Variants in POLH observed in about 807,000 individuals in gnomAD.
The protein encoded by POLH is DNA polymerase eta, also known as DNA polymerase eta transcript.
Under a neutral mutation model 73.6 loss-of-function variants are expected in POLH, and 53 were observed. The ratio of observed to expected loss-of-function variants is 0.72; its 90% CI spans 0.58 to 0.91. The LOEUF is 0.91. POLH is among the 40% of genes least tolerant of loss of function. The pLI, the probability that POLH is intolerant of heterozygous loss-of-function variation, is 0.00. For missense variants in POLH, 768 were observed against 865.4 expected (o/e 0.89, Z 1.41); for synonymous variants, 292 against 308.5 (o/e 0.95, Z 0.56).
chr6:43,593,162 C>T (rs1466312248), intron 4 of POLH, among the ~76,000 whole-genome samples: 1 of 152,166 alleles, frequency 6.6e-6, no homozygotes, highest in Non-Finnish European at 1.5e-5. Flanking sequence ...CTGTGTCTGG[C>T]TTTATCTTAT....
Position 43,604,629 on chromosome 6 carries a change from C to T in POLH, c.899C>T (p.Ala300Val), listed in dbSNP as rs866549004. ...FGEKNGSWLY[A>V]MCRGIEHDPV... ...GGTCTTATTAGGTCTTGGCTATATGCCATGTGCCGAGGGATTGAACATGAT... is the reference window on the plus strand; with the variant it reads ...GGTCTTATTAGGTCTTGGCTATATGTCATGTGCCGAGGGATTGAACATGAT... Residue 300 changes from alanine (A) to valine (V), a missense_variant, in exon 8 of 11, where the codon GCC becomes GTC. Ala to Val is a moderately conservative substitution (Grantham distance 64, BLOSUM62 0). Coordinates refer to ENST00000372236, the MANE Select transcript of POLH (RefSeq NM_006502.3). 9 of 1,613,880 alleles carry T rather than the reference C, an allele frequency of 5.6e-6. No homozygotes were observed. Among genetic ancestry groups the T allele is most frequent in the Non-Finnish European group, 7.6e-6 (9 of 1,179,884 alleles).
At position 43,616,276 on chromosome 6, in the gene POLH, T is replaced by C. The variant is rs1290389463; in HGVS notation, c.*1719T>C. Among the ~76,000 whole-genome samples the C allele has an allele frequency of 3.6e-5, 5 of 138,628 alleles. No homozygotes were observed. The highest frequency in any genetic ancestry group is 5.5e-5 in the African/African-American group (2 of 36,674). 90.9% of individuals were successfully genotyped at this position (138,628 alleles called of 152,430 possible). ...GCCTGGGTGACAGAGCGAGACTCCG[T>C]CTCAAAAAAAAAAAAAAAAGAAAAA... is the stretch of plus-strand genomic sequence containing the variant. On this transcript the variant is annotated 3_prime_UTR_variant, in exon 11 of 11. Transcript: ENST00000372236.
rs1320722457 is a variant in POLH, at chr6:43,618,890, C to CA, written c.*4336dup. On this transcript the variant is annotated 3_prime_UTR_variant, in exon 11 of 11. Coordinates refer to ENST00000372236, the MANE Select transcript of POLH (RefSeq NM_006502.3). Reference sequence around the variant, plus strand: ...AAGTGATCCACCCGCCCTGGCCTCCCAAAGTGCTGGGATTACAGGCCTGAG... The same window carrying CA: ...AAGTGATCCACCCGCCCTGGCCTCCCAAAAGTGCTGGGATTACAGGCCTGAG... Among the ~76,000 whole-genome samples the CA allele has an allele frequency of 6.6e-6, 1 of 151,632 alleles. No homozygotes were observed. The highest frequency in any genetic ancestry group is 1.5e-5 in the Non-Finnish European group (1 of 67,974).
At chr6:43,601,170 A>G in intron 6 of POLH, 79 bp downstream of exon 6, 1 of 1,012,366 alleles carries the variant, frequency 9.9e-7, no homozygotes, top group East Asian at 2.4e-5. Flanking sequence ...TTGTGTTACT[A>G]ATTAAGGACT....
In POLH at chr6:43,611,814, C is replaced by T. The variant is rs948328480; in HGVS notation, c.1244+1091C>T. 4.0e-5 allele frequency among the ~76,000 whole-genome samples: 6 copies of T among 151,896 alleles called. No individual in the cohort carries two copies. The East Asian group carries it at 5.8e-4, about 15-fold the overall frequency. ...CTCACGGCTGTAATCCCAGCACTTT[C>T]GGAGGCCGAGGCAGGCAGATCACCT... is the stretch of plus-strand genomic sequence containing the variant. On this transcript the variant is annotated intron_variant, in intron 10 of 10. Transcript: ENST00000372236.
At chr6:43,584,393 T>C (rs1764590628) in intron 3 of POLH, among the ~76,000 whole-genome samples, 1 of 152,164 alleles carries the variant, frequency 6.6e-6, no homozygotes, top group Non-Finnish European at 1.5e-5. Flanking sequence ...GACTGAAGAT[T>C]AAGTTTTCCA....
rs1429008962 is a variant in POLH at position 43,614,416 on chromosome 6, C to G, written c.2001C>G (p.His667Gln). 1 of 1,614,078 alleles carries G rather than the reference C, an allele frequency of 6.2e-7. No homozygotes were observed. The highest frequency in any genetic ancestry group is 2.2e-5 in the East Asian group (1 of 44,900). Reference protein sequence around the residue: ...LELQKSFLQPHSSNPQVVSAV... With the variant: ...LELQKSFLQPQSSNPQVVSAV... ...TGCAGAAATCCTTTTTGCAGCCCCA[C>G]TCTTCAAACCCCCAGGTTGTTTCTG... is the stretch of plus-strand genomic sequence containing the variant. Residue 667 changes from histidine (H) to glutamine (Q), a missense_variant, in exon 11 of 11, where the codon CAC (histidine) becomes CAG (glutamine). Physicochemically the swap from His to Gln is conservative, Grantham distance 24. Coordinates refer to ENST00000372236, the MANE Select transcript of POLH (RefSeq NM_006502.3).
Position 43,614,354 on chromosome 6 carries a change from A to T in POLH, c.1939A>T (p.Met647Leu), listed in dbSNP as rs6941583. 0.049 allele frequency: 79,101 copies of T among 1,612,354 alleles called. 5,137 individuals are homozygous for T. The highest frequency in any genetic ancestry group is 0.32 in the African/African-American group (23,639 of 74,906). Residue 647 changes from methionine (M) to leucine (L), a missense_variant, in exon 11 of 11, where the codon ATG becomes TTG. Coordinates refer to ENST00000372236, the MANE Select transcript of POLH (RefSeq NM_006502.3). Reference protein sequence around the residue: ...KCGSLVPVWDMPEHMDYHFAL... With the variant: ...KCGSLVPVWDLPEHMDYHFAL... ...TGGCTCCCTGGTACCGGTATGGGAT[A>T]TGCCAGAACACATGGACTATCATTT...
In POLH at chr6:43,597,872, G is replaced by A. The variant is rs534738892; in HGVS notation, c.660+7G>A. On this transcript the variant is annotated splice_region_variant and intron_variant, in intron 5 of 10. Transcript: ENST00000372236. Reference sequence around the variant, plus strand: ...TGGAATTTCACACAATAAGGTGAAGGCTAATAGTAGATTTCAAAGAGAAAC... The same window carrying A: ...TGGAATTTCACACAATAAGGTGAAGACTAATAGTAGATTTCAAAGAGAAAC... 7 of 1,599,596 alleles carry A rather than the reference G, an allele frequency of 4.4e-6. 1 individual carries two copies. In the Admixed American group the frequency reaches 1.0e-4, roughly 23 times the overall value.
Position 43,608,222 on chromosome 6 carries a change from A to G in POLH, c.1075-2332A>G, listed in dbSNP as rs1224193805. Among the ~76,000 whole-genome samples, 41 of 152,192 alleles carry G rather than the reference A, an allele frequency of 2.7e-4. 2 individuals carry two copies. Among genetic ancestry groups the G allele is most frequent in the Admixed American group, 2.6e-3 (39 of 15,274 alleles). ...AGTTTTAACATGTCCCTTGTCAGAT[A>G]CGTGATTTGCAAATATTTTCTCCCA... On this transcript the variant is annotated intron_variant, in intron 9 of 10. Transcript: ENST00000372236.
rs1448415803 is a variant in POLH, at chr6:43,620,472, G to A, written c.*5915G>A. 2 of 352,226 alleles carry A rather than the reference G, an allele frequency of 5.7e-6. No homozygotes were observed. The highest frequency in any genetic ancestry group is 4.3e-5 in the African/African-American group (2 of 46,264). 21.8% of individuals were successfully genotyped at this position (352,226 alleles called of 1,614,324 possible). A position where few individuals can be genotyped will look rare whatever the true frequency, so the allele number is the denominator to read the frequency against. On this transcript the variant is annotated 3_prime_UTR_variant, in exon 11 of 11. Transcript: ENST00000372236. ...GCCCTGGAAGGAAGCTGAGCCTGTA[G>A]CTAACGCATAAGCACAGTGTATTCA...
intron 5 of POLH, among the ~76,000 whole-genome samples, chr6:43,598,170 A>C (rs1160167758): frequency 6.7e-6 from 1 of 149,278 alleles, no homozygotes; most frequent in Non-Finnish European, 1.5e-5. Context: ...ATACTACTGT[A>C]CTTCAGCTTG....
intron 1 of POLH, among the ~76,000 whole-genome samples, chr6:43,580,962 C>CGGATG (rs1764092175): frequency 7.6e-6 from 1 of 132,116 alleles, no homozygotes; most frequent in Non-Finnish European, 1.7e-5. Flanking sequence ...ACCTCCCTCC[C>CGGATG]GGATGGGGCG....
chr6:43,608,721 G>A (rs938084048), intron 9 of POLH, among the ~76,000 whole-genome samples: 2 of 152,134 alleles, frequency 1.3e-5, no homozygotes, highest in Admixed American at 1.3e-4. Context: ...ATCCAGTGGG[G>A]ATCCCTGAAA....
chr6:43,604,892 T>C (rs1767107061), intron 8 of POLH, among the ~76,000 whole-genome samples, 154 bp downstream of exon 8: 1 of 152,216 alleles, frequency 6.6e-6, no homozygotes, highest in African/African-American at 2.4e-5. Flanking sequence ...GACTAGTTTA[T>C]GATTATTACT....
At chr6:43,602,822 T>G (rs1379518931) in intron 6 of POLH, among the ~76,000 whole-genome samples, 2 of 147,814 alleles carry the variant, frequency 1.4e-5, no homozygotes, top group African/African-American at 5.0e-5. Flanking sequence ...TGCATGCCAC[T>G]ACGCCCGACT....
intron 6 of POLH, among the ~76,000 whole-genome samples, chr6:43,603,320 A>AG (rs2127802966): frequency 6.6e-6 from 1 of 152,116 alleles, no homozygotes; most frequent in African/African-American, 2.4e-5. Flanking sequence ...TTGTTGAGAC[A>AG]GGGTTTCGCC....
chr6:43,583,556 G>A (rs1335151252), intron 3 of POLH, among the ~76,000 whole-genome samples: 1 of 152,138 alleles, frequency 6.6e-6, no homozygotes, highest in Admixed American at 6.6e-5. Flanking sequence ...CAATATCAAG[G>A]GAGATTTCTC....
intron 4 of POLH, among the ~76,000 whole-genome samples, chr6:43,593,427 A>G (rs185720414): frequency 2.0e-5 from 3 of 152,374 alleles, no homozygotes; most frequent in Admixed American, 2.0e-4. Context: ...TGATTTCAAG[A>G]TTTAACTATA....
Sources: gnomAD v4.1 joint callset for allele counts (sites outside exome capture counted in the v4.1 genomes callset) on GRCh38, gnomAD v4.1.1 for gene constraint, MANE v1.5 for transcripts, NCBI Gene and HGNC (gene_info 2026-07-23, HGNC 2026-07-21) for gene names.